Variants in ISM1 observed in about 807,000 individuals in gnomAD.
ISM1 encodes isthmin-1.
In ISM1, 25 loss-of-function variants were observed where a neutral mutation model predicts 46.3. That is an observed-to-expected ratio of 0.54 (90% CI 0.39 to 0.75). ISM1 has a LOEUF of 0.75. ISM1 is among the 30% of genes least tolerant of loss of function. The probability of loss-of-function intolerance (pLI) is 0.00; values close to 1 mark genes in which losing one functional copy is unlikely to be tolerated. For synonymous variants in ISM1, 255 were observed against 256.7 expected, an observed-to-expected ratio of 0.99 and a Z score of 0.06; for missense variants, 536 against 625.4, an observed-to-expected ratio of 0.86 and a Z score of 1.52.
In ISM1 at chr20:13,299,419, A is replaced by G. The variant is rs1280125646; in HGVS notation, c.1355A>G (p.Glu452Gly). 5 of 1,610,012 alleles carry G rather than the reference A, an allele frequency of 3.1e-6. No homozygotes were observed. The Admixed American group carries it at 8.3e-5, about 27-fold the overall frequency. ...AAGTGCACAGAGAGCCCCTCGGACG[A>G]GGACTACATCAAGCAGTTCCAAGAG... Reference protein sequence around the residue: ...GQKCTESPSDEDYIKQFQEAR... With the variant: ...GQKCTESPSDGDYIKQFQEAR... Residue 452 changes from glutamate to glycine, a missense_variant, in exon 6 of 6, where the codon GAG (glutamate) becomes GGG (glycine). Physicochemically the swap from Glu to Gly is moderately conservative, Grantham distance 98. Transcript: ENST00000262487. The surrounding 1 kb of genome is among the most constrained non-coding windows in gnomAD (Gnocchi z 5.8).
At chr20:13,261,174 G>A (rs577252857) in intron 1 of ISM1, among the ~76,000 whole-genome samples, 1 of 152,284 alleles carries the variant, frequency 6.6e-6, no homozygotes, top group African/African-American at 2.4e-5. Context: ...AGCACTTTGA[G>A]AGGCTGAGTT....
Position 13,221,751 on chromosome 20 carries a change from G to A in ISM1, c.-26G>A. The A allele has an allele frequency of 7.1e-7, 1 of 1,418,294 alleles. No individual in the cohort carries two copies. The highest frequency in any genetic ancestry group is 9.2e-7 in the Non-Finnish European group (1 of 1,090,280). 87.9% of individuals were successfully genotyped at this position (1,418,294 alleles called of 1,614,324 possible). On this transcript the variant is annotated 5_prime_UTR_variant, in exon 1 of 6. Transcript: ENST00000262487. Reference sequence around the variant, plus strand: ...CCGCCGCCGCCGGCCGCCGCGCCGGGTCCTAAAGCCGCGCGTCTCAAAAGG... The same window carrying A: ...CCGCCGCCGCCGGCCGCCGCGCCGGATCCTAAAGCCGCGCGTCTCAAAAGG...
At chr20:13,276,080 G>A (rs2040176144) in intron 2 of ISM1, among the ~76,000 whole-genome samples, 1 of 152,196 alleles carries the variant, frequency 6.6e-6, no homozygotes, top group South Asian at 2.1e-4. Context: ...TTCTTTCCAT[G>A]GCAGTTATCG....
At chr20:13,310,977 T>C in the ISM1 span, among the ~76,000 whole-genome samples, 1 of 152,198 alleles carries the variant, frequency 6.6e-6, no homozygotes, top group East Asian at 1.9e-4. Context: ...GTGGATCACC[T>C]GAGGTCAGGA....
Position 13,270,602 on chromosome 20 carries a change from A to C in ISM1, c.237A>C (p.Gln79His), listed in dbSNP as rs998825928. 13 of 1,613,698 alleles carry C rather than the reference A, an allele frequency of 8.1e-6. No individual in the cohort carries two copies. The highest frequency in any genetic ancestry group is 1.1e-5 in the Non-Finnish European group (13 of 1,179,834). Residue 79 changes from glutamine (Q) to histidine (H), a missense_variant, in exon 2 of 6, where the codon CAA (glutamine) becomes CAC (histidine). Transcript: ENST00000262487. ...REHLDHQAAH[Q>H]PFPRPRFRQE... is the part of the protein sequence containing the mutation. ...ATCTGGACCACCAGGCTGCACACCA[A>C]CCCTTCCCCAGACCGCGATTCCGAC...
In ISM1 at chr20:13,224,841, CTTT is replaced by C. The variant is rs1162270732; in HGVS notation, c.138+2947_138+2949del. Among the ~76,000 whole-genome samples the C allele has an allele frequency of 2.3e-4, 25 of 107,244 alleles. 1 individual carries two copies. In the South Asian group the frequency reaches 3.4e-3, roughly 15 times the overall value. 70.4% of individuals were successfully genotyped at this position (107,244 alleles called of 152,430 possible). On this transcript the variant is annotated intron_variant, in intron 1 of 5. Coordinates refer to ENST00000262487, the MANE Select transcript of ISM1 (RefSeq NM_080826.2). ...CACTTTACACATACTAGCTTTCTTTCTTTTTTTTTTTTTTTTTTTTTTGAGACG... is the reference window on the plus strand; with the variant it reads ...CACTTTACACATACTAGCTTTCTTTCTTTTTTTTTTTTTTTTTTTGAGACG...
chr20:13,324,432 C>T, the ISM1 span, among the ~76,000 whole-genome samples: 1 of 152,130 alleles, frequency 6.6e-6, no homozygotes, highest in Non-Finnish European at 1.5e-5. Context: ...CCCAAAGATG[C>T]AGAAAAGAGG....
At chr20:13,293,771 T>C (rs2040378959) in intron 5 of ISM1, among the ~76,000 whole-genome samples, 1 of 151,954 alleles carries the variant, frequency 6.6e-6, no homozygotes, top group African/African-American at 2.4e-5. Context: ...GCCAGGAGTT[T>C]GAGACCAGCC....
chr20:13,289,131 T>C (rs1358223166), intron 4 of ISM1, among the ~76,000 whole-genome samples: 2 of 152,214 alleles, frequency 1.3e-5, no homozygotes, highest in African/African-American at 4.8e-5. Flanking sequence ...AGATAATTGA[T>C]GAGCTGAATG....
intron 1 of ISM1, among the ~76,000 whole-genome samples, chr20:13,236,974 C>A (rs1363409828): frequency 6.6e-6 from 1 of 152,172 alleles, no homozygotes; most frequent in Non-Finnish European, 1.5e-5. Flanking sequence ...GGTAGATCTA[C>A]CATTCTGGGA....
chr20:13,241,068 G>A (rs1042505848), intron 1 of ISM1, among the ~76,000 whole-genome samples: 4 of 152,246 alleles, frequency 2.6e-5, no homozygotes, highest in Non-Finnish European at 5.9e-5. Flanking sequence ...AATGCCTTAA[G>A]GAGAGAGGAC....
At chr20:13,292,582 G>C in intron 5 of ISM1, 119 bp downstream of exon 5, 1 of 677,612 alleles carries the variant, frequency 1.5e-6, no homozygotes, top group African/African-American at 1.8e-5. Flanking sequence ...CTGGGGTCCA[G>C]TGCTCCCAGC....
chr20:13,309,627 C>T, the ISM1 span, among the ~76,000 whole-genome samples: 2 of 152,220 alleles, frequency 1.3e-5, no homozygotes, highest in South Asian at 4.1e-4. Flanking sequence ...AAATAAAAGG[C>T]ATCTAAATCA....
rs1376105270 is a variant in ISM1, at chr20:13,221,399, C to A, written c.-378C>A. 6.8e-6 allele frequency among the ~76,000 whole-genome samples: 1 copy of A among 146,948 alleles called. No homozygotes were observed. The highest frequency in any genetic ancestry group is 1.5e-5 in the Non-Finnish European group (1 of 65,706). On this transcript the variant is annotated 5_prime_UTR_variant, in exon 1 of 6. Coordinates refer to ENST00000262487, the MANE Select transcript of ISM1 (RefSeq NM_080826.2). ...GCCCGCCCCGCCGCCGACCCCGCAG[C>A]CCCCTGCCAGCAGGGTGGCCTCCGG...
chr20:13,305,362 G>A (rs946109454), downstream of ISM1, among the ~76,000 whole-genome samples: 1 of 152,288 alleles, frequency 6.6e-6, no homozygotes, highest in Non-Finnish European at 1.5e-5. Context: ...CACACTTGGA[G>A]TGGGACTGCT....
intron 1 of ISM1, among the ~76,000 whole-genome samples, chr20:13,258,473 G>A (rs1310101274): frequency 2.6e-5 from 4 of 152,102 alleles, no homozygotes; most frequent in Middle Eastern, 3.2e-3. Context: ...GCTCTCCTTA[G>A]TTACCCACTT....
At chr20:13,259,043 G>T (rs2039958746) in intron 1 of ISM1, among the ~76,000 whole-genome samples, 1 of 152,172 alleles carries the variant, frequency 6.6e-6, no homozygotes, top group African/African-American at 2.4e-5. Flanking sequence ...AACACTTTGG[G>T]AGGCCGAGGC....
At position 13,297,939 on chromosome 20, in the gene ISM1, T is replaced by C. The variant is rs149049865; in HGVS notation, c.878-1003T>C. 6.2e-3 allele frequency among the ~76,000 whole-genome samples: 943 copies of C among 152,202 alleles called. 11 individuals carry two copies. Among genetic ancestry groups the C allele is most frequent in the African/African-American group, 0.021 (887 of 41,516 alleles). On this transcript the variant is annotated intron_variant, in intron 5 of 5. Transcript: ENST00000262487. ...CCTTCCTCTTTGAGGCGCCTTGCCA[T>C]GTGAATTTGCAGACAGCGATGGTTA...
At chr20:13,287,794 A>G (rs2123305963) in intron 3 of ISM1, among the ~76,000 whole-genome samples, 1 of 152,330 alleles carries the variant, frequency 6.6e-6, no homozygotes. Context: ...CCATTAATGT[A>G]TCGGTAATCT....
Sources: allele counts gnomAD v4.1 joint callset (sites outside exome capture counted in the v4.1 genomes callset), GRCh38; gene constraint gnomAD v4.1.1; non-coding constraint Gnocchi (gnomAD v3.1); transcripts MANE v1.5; gene names NCBI Gene and HGNC (gene_info 2026-07-23, HGNC 2026-07-21).